The following ZNF141 variants were observed in gnomAD, a reference collection of about 807,000 sequenced individuals.
ZNF141 encodes zinc finger protein 141 (clone pHZ-44).
In ZNF141, 7 loss-of-function variants were observed where a neutral mutation model predicts 11.3. The ratio of observed to expected loss-of-function variants is 0.62; its 90% confidence interval spans 0.35 to 1.16. The LOEUF (loss-of-function observed/expected upper bound fraction) is 1.16. Among genes scored for constraint, ZNF141 ranks in the 50% most tolerant of loss-of-function variants. ZNF141 has a pLI of 0.02. For synonymous variants in ZNF141, 183 were observed against 190.7 expected, an observed-to-expected ratio of 0.96 and a Z score of 0.33; for missense variants, 535 against 554.0, an observed-to-expected ratio of 0.97 and a Z score of 0.34.
chr4:382,889 C>G lies in ZNF141; in HGVS notation c.*9027C>G, dbSNP rs1712730184. 2.2e-6 allele frequency: 1 copy of G among 448,424 alleles called. No homozygotes were observed. Among genetic ancestry groups the G allele is most frequent in the Non-Finnish European group, 4.0e-6 (1 of 252,124 alleles). The allele number at this position is 448,424 out of a possible 1,614,324, so 27.8% of individuals were successfully genotyped here. A position where few individuals can be genotyped will look rare whatever the true frequency, so the allele number is the denominator to read the frequency against. On this transcript the variant is annotated 3_prime_UTR_variant, in exon 4 of 4. Transcript: ENST00000240499. ...CACAAGACACATCTACAAGAAAAGT[C>G]ATGATAAAATTGATTGCAAAAACAG... is the stretch of plus-strand genomic sequence containing the variant.
At chr4:368,364 C>T (rs1711850652) in intron 3 of ZNF141, among the ~76,000 whole-genome samples, 1 of 152,068 alleles carries the variant, frequency 6.6e-6, no homozygotes, top group African/African-American at 2.4e-5. Flanking sequence ...GCCTCAACCA[C>T]CCAAGTAGCT....
chr4:355,203 A>T lies in ZNF141; in HGVS notation c.226+10773A>T, dbSNP rs986986315. Among the ~76,000 whole-genome samples, 17 of 150,736 alleles carry T rather than the reference A, an allele frequency of 1.1e-4. No homozygotes were observed. The East Asian group carries it at 1.7e-3, about 15-fold the overall frequency. The stretch of plus-strand genomic sequence containing the variant: ...TTTTATTTTATTTATTTATTTATTT[A>T]TTTTTTGAGACAGTCTCACTCCGTC... On this transcript the variant is annotated intron_variant, in intron 3 of 3. Coordinates refer to ENST00000240499, the MANE Select transcript of ZNF141 (RefSeq NM_003441.4).
intron 3 of ZNF141, among the ~76,000 whole-genome samples, chr4:367,130 C>T (rs9999356): frequency 0.49 from 74,032 of 151,958 alleles, 20,112 homozygotes; most frequent in African/African-American, 0.75. Flanking sequence ...CAGAAATCTT[C>T]TTTTTTTGAG....
chr4:369,752 A>ATGTTTTTTTTTTTTT (rs1711942657), intron 3 of ZNF141, among the ~76,000 whole-genome samples: 1 of 36,674 alleles, frequency 2.7e-5, no homozygotes, highest in Admixed American at 3.3e-4. Context: ...ATATATATAT[A>ATGTTTTTTTTTTTTT]TATATATATA....
intron 1 of ZNF141, among the ~76,000 whole-genome samples, chr4:339,425 CTT>C (rs2108679121): frequency 6.6e-6 from 1 of 152,374 alleles, no homozygotes; most frequent in African/African-American, 2.4e-5. Context: ...TTCTTCTGCT[CTT>C]TTCTTCCCCA....
chr4:350,816 C>T (rs573807786), intron 3 of ZNF141, among the ~76,000 whole-genome samples: 365 of 151,462 alleles, frequency 2.4e-3, no homozygotes, highest in African/African-American at 7.9e-3. Context: ...CTCGGCTCAC[C>T]GCAAGCTCCA....
intron 1 of ZNF141, among the ~76,000 whole-genome samples, chr4:340,532 C>A (rs2032353671): frequency 6.6e-6 from 1 of 152,214 alleles, no homozygotes; most frequent in African/African-American, 2.4e-5. Context: ...TCCCTTCTCC[C>A]CTTGCCCAAA....
chr4:358,074 A>AT lies in ZNF141; in HGVS notation c.226+13653dup, dbSNP rs202032541. ...AAATGACTTACTTTTAAGTTTGCTTATTTTTTTTTCCTGTAGAACTGAGTC... is the reference window on the plus strand; with the variant it reads ...AAATGACTTACTTTTAAGTTTGCTTATTTTTTTTTTCCTGTAGAACTGAGTC... On this transcript the variant is annotated intron_variant, in intron 3 of 3. Coordinates refer to ENST00000240499, the MANE Select transcript of ZNF141 (RefSeq NM_003441.4). 186 of 253,818 alleles carry AT rather than the reference A, an allele frequency of 7.3e-4. 1 individual carries two copies. The highest frequency in any genetic ancestry group is 6.1e-3 in the East Asian group (36 of 5,876). The allele number at this position is 253,818 out of a possible 1,614,324, so 15.7% of individuals were successfully genotyped here.
Position 379,237 on chromosome 4 carries a change from A to G in ZNF141, c.*5375A>G, listed in dbSNP as rs1352678868. On this transcript the variant is annotated 3_prime_UTR_variant, in exon 4 of 4. Coordinates refer to ENST00000240499, the MANE Select transcript of ZNF141 (RefSeq NM_003441.4). The stretch of plus-strand genomic sequence containing the variant: ...CACTTGCCCTTTTAGTGTCTTACAT[A>G]TGTATGATTACCATCAGCACTAGAA... Among the ~76,000 whole-genome samples, 1 of 152,162 alleles carries G rather than the reference A, an allele frequency of 6.6e-6. No homozygotes were observed. Among genetic ancestry groups the G allele is most frequent in the Non-Finnish European group, 1.5e-5 (1 of 68,024 alleles).
At chr4:360,677 A>G (rs887356628) in intron 3 of ZNF141, among the ~76,000 whole-genome samples, 3 of 152,058 alleles carry the variant, frequency 2.0e-5, no homozygotes, top group Non-Finnish European at 2.9e-5. Flanking sequence ...ATGACCATGT[A>G]TTGTTTAATT....
Position 375,524 on chromosome 4 carries a change from C to T in ZNF141, c.*1662C>T, listed in dbSNP as rs1314944461. 1.3e-5 allele frequency among the ~76,000 whole-genome samples: 2 copies of T among 151,858 alleles called. No individual in the cohort carries two copies. The highest frequency in any genetic ancestry group is 4.8e-5 in the African/African-American group (2 of 41,364). The stretch of plus-strand genomic sequence containing the variant: ...GAGTATGTAAACATCAGAGGATTTA[C>T]AGTAGAAAGAACTAAGGAACTAACA... On this transcript the variant is annotated 3_prime_UTR_variant, in exon 4 of 4. Transcript: ENST00000240499.
Position 380,194 on chromosome 4 carries a change from G to C in ZNF141, c.*6332G>C, listed in dbSNP as rs554516783. 6.6e-6 allele frequency among the ~76,000 whole-genome samples: 1 copy of C among 152,116 alleles called. No homozygotes were observed. The highest frequency in any genetic ancestry group is 2.1e-4 in the South Asian group (1 of 4,816). ...TTTTAACGTTGAATTGTATTTCCTT[G>C]TGTATACCACGTTTTTGGAAAAATA... On this transcript the variant is annotated 3_prime_UTR_variant, in exon 4 of 4. Transcript: ENST00000240499.
intron 3 of ZNF141, among the ~76,000 whole-genome samples, chr4:370,868 C>T (rs2108651767): frequency 6.6e-6 from 1 of 151,884 alleles, no homozygotes; most frequent in Middle Eastern, 3.4e-3. Flanking sequence ...ATAGCTGGGA[C>T]TACAGGTGCC....
At chr4:350,250 C>T (rs781978116) in intron 3 of ZNF141, 1 of 533,388 alleles carries the variant, frequency 1.9e-6, no homozygotes, top group Non-Finnish European at 3.9e-6. Context: ...CCTGCTTATT[C>T]TAAATAACCC....
intron 1 of ZNF141, among the ~76,000 whole-genome samples, chr4:343,126 A>G (rs1345907234): frequency 6.6e-6 from 1 of 152,214 alleles, no homozygotes; most frequent in Non-Finnish European, 1.5e-5. Flanking sequence ...AGTTCCTTGC[A>G]TGATTCTACA....
chr4:382,231 C>T lies in ZNF141; in HGVS notation c.*8369C>T, dbSNP rs570718316. On this transcript the variant is annotated 3_prime_UTR_variant, in exon 4 of 4. Coordinates refer to ENST00000240499, the MANE Select transcript of ZNF141 (RefSeq NM_003441.4). ...AAAGTGCTGGGATTACAGGCATGAG[C>T]CACCGCGCCCGGCCTTAGTTGTGTG... is the stretch of plus-strand genomic sequence containing the variant. Among the ~76,000 whole-genome samples, 10 of 152,242 alleles carry T rather than the reference C, an allele frequency of 6.6e-5. No individual in the cohort carries two copies. Among genetic ancestry groups the T allele is most frequent in the African/African-American group, 2.4e-4 (10 of 41,558 alleles).
chr4:338,261 G>A, intron 1 of ZNF141: 1 of 420,054 alleles, frequency 2.4e-6, no homozygotes, highest in Non-Finnish European at 4.4e-6. Flanking sequence ...CCGCCCGCGC[G>A]GCGTGCGCGA....
In ZNF141 at chr4:380,872, T is replaced by C. The variant is rs535828320; in HGVS notation, c.*7010T>C. ...TTCTTAATAAAAATTTAACAAAAAT[T>C]GTTAAATGTTGTCATATATGTGTGT... On this transcript the variant is annotated 3_prime_UTR_variant, in exon 4 of 4. Transcript: ENST00000240499. 1.8e-4 allele frequency among the ~76,000 whole-genome samples: 27 copies of C among 152,230 alleles called. No homozygotes were observed. Among genetic ancestry groups the C allele is most frequent in the South Asian group, 8.3e-4 (4 of 4,824 alleles).
chr4:366,849 G>A (rs1711767493), intron 3 of ZNF141, among the ~76,000 whole-genome samples: 1 of 151,926 alleles, frequency 6.6e-6, no homozygotes, highest in African/African-American at 2.4e-5. Flanking sequence ...TGTATTTTTA[G>A]GAGAGACAGT....
Sources: gnomAD v4.1 joint callset for allele counts (sites outside exome capture counted in the v4.1 genomes callset) on GRCh38, gnomAD v4.1.1 for gene constraint, MANE v1.5 for transcripts, NCBI Gene and HGNC (gene_info 2026-07-23, HGNC 2026-07-21) for gene names.